Variants in CSF2RA observed in about 807,000 individuals in gnomAD.
The protein encoded by CSF2RA is granulocyte-macrophage colony-stimulating factor receptor subunit alpha.
In CSF2RA, 42 loss-of-function variants were observed where a neutral mutation model predicts 51.6. That is an observed-to-expected ratio of 0.81 (90% CI 0.64 to 1.05). The LOEUF (loss-of-function observed/expected upper bound fraction) is 1.05. Among genes scored for constraint, CSF2RA ranks in the 50% least tolerant of loss-of-function variants. CSF2RA has a pLI of 0.00. For synonymous variants in CSF2RA, 222 were observed against 193.0 expected, an observed-to-expected ratio of 1.15 and a Z score of -1.24; for missense variants, 530 against 501.1, an observed-to-expected ratio of 1.06 and a Z score of -0.55.
intron 3 of CSF2RA, among the ~76,000 whole-genome samples, chrX:1,283,473 C>CCT (rs369929534): frequency 7.0e-5 from 10 of 143,194 alleles, no homozygotes; most frequent in Non-Finnish European, 1.4e-4. Context: ...TCCCTCCCTC[C>CCT]CTCTCTCTCT....
chrX:1,284,591 C>A (rs1251436855), intron 3 of CSF2RA, among the ~76,000 whole-genome samples: 2 of 146,682 alleles, frequency 1.4e-5, no homozygotes, highest in East Asian at 3.9e-4. Context: ...CCATGCCAAG[C>A]TAATTTAAAT....
Position 1,303,928 on chromosome X carries a change from G to A in CSF2RA, c.952G>A (p.Asp318Asn), listed in dbSNP as rs771210487. ...AAACCTGTGTGTCTCTCCAGGTTCT[G>A]ACGACGGGAACCTCGGCTCTGTGTA... Reference protein sequence around the residue: ...SWSEAIEFGSDDGNLGSVYIY... With the variant: ...SWSEAIEFGSNDGNLGSVYIY... The change falls in exon 11 of 13, where the codon GAC becomes AAC. Residue 318 changes from aspartate (D) to asparagine (N), a missense_variant. Coordinates refer to ENST00000381529, the MANE Select transcript of CSF2RA (RefSeq NM_172245.4). 6 of 1,613,386 alleles carry A rather than the reference G, an allele frequency of 3.7e-6. No individual in the cohort carries two copies. In the Admixed American group the frequency reaches 8.3e-5, roughly 22 times the overall value.
chrX:1,276,040 G>A (rs1204714178), intron 2 of CSF2RA, among the ~76,000 whole-genome samples: 4 of 148,050 alleles, frequency 2.7e-5, no homozygotes, highest in Non-Finnish European at 4.5e-5. Context: ...TCACTCTGTC[G>A]CCCAGGCTGG....
chrX:1,287,311 G>C, intron 4 of CSF2RA: 1 of 132,782 alleles, frequency 7.5e-6, no homozygotes, highest in East Asian at 2.3e-4. Flanking sequence ...GTGCCACCAC[G>C]CCTGGCTAAT....
intron 9 of CSF2RA, among the ~76,000 whole-genome samples, chrX:1,299,520 C>T (rs1157341367): frequency 6.6e-6 from 1 of 152,102 alleles, no homozygotes; most frequent in African/African-American, 2.4e-5. Flanking sequence ...CACCTCCCAG[C>T]GATTGTCCTG....
At chrX:1,304,853 T>C (rs1284246347) in intron 11 of CSF2RA, among the ~76,000 whole-genome samples, 31 of 144,862 alleles carry the variant, frequency 2.1e-4, no homozygotes, top group South Asian at 1.1e-3. Flanking sequence ...TTAGTAGAGA[T>C]GGGGTTTCAC....
intron 9 of CSF2RA, 75 bp downstream of exon 9, chrX:1,295,531 A>C: frequency 7.6e-7 from 1 of 1,308,794 alleles, no homozygotes; most frequent in Non-Finnish European, 1.1e-6. Context: ...ACCTAGTGTA[A>C]CTCTACAGTC....
chrX:1,310,068 G>A (rs1569513968), downstream of CSF2RA: 2 of 338,754 alleles, frequency 5.9e-6, no homozygotes, highest in African/African-American at 4.3e-5. Flanking sequence ...GGTGGCTTGT[G>A]CCTGTAGTGC....
At position 1,301,389 on chromosome X, in the gene CSF2RA, G is replaced by A. The variant is rs1469648721; in HGVS notation, c.946+763G>A. On this transcript the variant is annotated intron_variant, in intron 10 of 12. Transcript: ENST00000381529. ...GAAGGAGGTGGTCTCATACTCATAC[G>A]GGGTCATGCAACATTGCTTTGCTGG... Among the ~76,000 whole-genome samples, 16 of 149,250 alleles carry A rather than the reference G, an allele frequency of 1.1e-4. No individual in the cohort carries two copies. The East Asian group carries it at 1.8e-3, about 17-fold the overall frequency.
chrX:1,309,321 G>C, intron 12 of CSF2RA, 81 bp from the exon 13 acceptor site: 1 of 1,418,788 alleles, frequency 7.0e-7, no homozygotes, highest in South Asian at 1.2e-5. Context: ...TCTCGAGGGA[G>C]AAAAAGAAAA....
chrX:1,286,105 T>A (rs1197431622), intron 4 of CSF2RA, among the ~76,000 whole-genome samples, 185 bp downstream of exon 4: 1 of 151,680 alleles, frequency 6.6e-6, no homozygotes, highest in Non-Finnish European at 1.5e-5. Context: ...AAACCCCGTC[T>A]CTACTACAAA....
chrX:1,284,195 C>CTCTTTTT lies in CSF2RA; in HGVS notation c.76+1417_76+1418insCTTTTTT, dbSNP rs1443798206. ...CAAGCGGTTTTCTTTCTCTGTCTCT[C>CTCTTTTT]TTTTTTTTTTTTTTTTTTTTTTTTT... is the stretch of plus-strand genomic sequence containing the variant. On this transcript the variant is annotated intron_variant, in intron 3 of 12. Coordinates refer to ENST00000381529, the MANE Select transcript of CSF2RA (RefSeq NM_172245.4). Among the ~76,000 whole-genome samples the CTCTTTTT allele has an allele frequency of 5.7e-3, 520 of 91,792 alleles. 73 individuals carry two copies. The highest frequency in any genetic ancestry group is 0.019 in the African/African-American group (481 of 25,416). 60.2% of individuals were successfully genotyped at this position (91,792 alleles called of 152,430 possible).
At chrX:1,272,576 C>T (rs1251901615) in intron 1 of CSF2RA, among the ~76,000 whole-genome samples, 3 of 151,790 alleles carry the variant, frequency 2.0e-5, no homozygotes, top group Non-Finnish European at 4.4e-5. Context: ...CAACCTCCAC[C>T]TCCTGGGTTC....
At chrX:1,284,195 CTTTTTTTTT>C (rs752104115) in intron 3 of CSF2RA, among the ~76,000 whole-genome samples, 8 of 91,750 alleles carry the variant, frequency 8.7e-5, no homozygotes, top group East Asian at 4.1e-4. Flanking sequence ...CTCTGTCTCT[CTTTTTTTTT>C]TTTTTTTTTT....
intron 2 of CSF2RA, among the ~76,000 whole-genome samples, chrX:1,281,066 CT>C: frequency 1.1e-5 from 1 of 89,346 alleles, no homozygotes; most frequent in African/African-American, 4.1e-5. Flanking sequence ...TCTCCTCCTC[CT>C]TCTCCTCCTC....
intron 2 of CSF2RA, among the ~76,000 whole-genome samples, chrX:1,277,593 C>CAAAAAAAAAAAAAAAAAAAAAAAAAA (rs749833246): frequency 2.8e-5 from 2 of 70,436 alleles, no homozygotes; most frequent in African/African-American, 6.2e-5. Flanking sequence ...AAGTCCATCT[C>CAAAAAAAAAAAAAAAAAAAAAAAAAA]AAAAAAAAAA....
At chrX:1,304,739 A>G in intron 11 of CSF2RA, among the ~76,000 whole-genome samples, 1 of 151,664 alleles carries the variant, frequency 6.6e-6, no homozygotes, top group East Asian at 1.9e-4. Context: ...ATCTCGGCTC[A>G]CTGCAACCTC....
chrX:1,283,033 G>A (rs1321026864), intron 3 of CSF2RA, among the ~76,000 whole-genome samples: 3 of 152,050 alleles, frequency 2.0e-5, no homozygotes, highest in Non-Finnish European at 2.9e-5. Flanking sequence ...TTAACCCAAC[G>A]ACCATCCAGG....
At position 1,287,596 on chromosome X, in the gene CSF2RA, A is replaced by G. The variant is rs1323966587; in HGVS notation, c.220-923A>G. Among the ~76,000 whole-genome samples, 4 of 146,328 alleles carry G rather than the reference A, an allele frequency of 2.7e-5. No homozygotes were observed. In the East Asian group the frequency reaches 8.0e-4, roughly 29 times the overall value. On this transcript the variant is annotated intron_variant, in intron 4 of 12. Coordinates refer to ENST00000381529, the MANE Select transcript of CSF2RA (RefSeq NM_172245.4). ...GTAGCTGGGATTACAGGTGCCCACC[A>G]CCACACCTGGCTAATTTTTGTATTT...
Sources: gnomAD v4.1 joint callset for allele counts (sites outside exome capture counted in the v4.1 genomes callset) on GRCh38, gnomAD v4.1.1 for gene constraint, MANE v1.5 for transcripts, NCBI Gene and HGNC (gene_info 2026-07-23, HGNC 2026-07-21) for gene names.